Variants in FCHO1 observed in about 807,000 individuals in gnomAD.
FCHO1 encodes FCH and mu domain containing endocytic adaptor 1.
In FCHO1, 45 loss-of-function variants were observed where a neutral mutation model predicts 114.4. That is an observed-to-expected ratio of 0.39 (90% CI 0.31 to 0.50). The LOEUF (loss-of-function observed/expected upper bound fraction) is 0.50, where lower values mean the gene tolerates loss of function less well. Among genes scored for constraint, FCHO1 ranks in the 20% least tolerant of loss-of-function variants. The pLI, the probability that FCHO1 is intolerant of heterozygous loss-of-function variation, is 0.77. For synonymous variants in FCHO1, 480 were observed against 488.9 expected (o/e 0.98, Z 0.24); for missense variants, 1,042 against 1,209.6 (o/e 0.86, Z 2.06).
At chr19:17,768,270 A>G (rs2090104139) in intron 7 of FCHO1, among the ~76,000 whole-genome samples, 1 of 152,034 alleles carries the variant, frequency 6.6e-6, no homozygotes, top group South Asian at 2.1e-4. Context: ...GTGTTTCACC[A>G]TGTTGGCCAG....
At chr19:17,787,613 A>G in intron 27 of FCHO1, 69 bp from the exon 28 acceptor site, 3 of 1,482,448 alleles carry the variant, frequency 2.0e-6, no homozygotes, top group South Asian at 1.3e-5. Context: ...GTGTGGGCCA[A>G]AGATGAGCCT....
chr19:17,772,418 C>G (rs778431594), intron 9 of FCHO1, 39 bp from the exon 10 acceptor site: 1 of 1,519,214 alleles, frequency 6.6e-7, no homozygotes, highest in Non-Finnish European at 9.1e-7. Flanking sequence ...CTTCTTGGCC[C>G]TGACCTCCTT....
chr19:17,778,341 A>T, intron 19 of FCHO1, 113 bp downstream of exon 19: 1 of 750,998 alleles, frequency 1.3e-6, no homozygotes, highest in African/African-American at 1.8e-5. Flanking sequence ...AGGGAGGACT[A>T]GTCCGTGTAG....
intron 24 of FCHO1, 75 bp downstream of exon 24, chr19:17,783,247 CT>C: frequency 1.4e-6 from 2 of 1,446,516 alleles, no homozygotes; most frequent in South Asian, 2.6e-5. Flanking sequence ...AGTTCCCTCT[CT>C]GCTTCCTGGG....
chr19:17,756,094 C>G (rs1276328142), intron 4 of FCHO1, among the ~76,000 whole-genome samples: 1 of 152,196 alleles, frequency 6.6e-6, no homozygotes, highest in Non-Finnish European at 1.5e-5. Context: ...AGTGAGGAAG[C>G]CTGTTGCTAG....
At chr19:17,759,270 T>A (rs1441771933) in intron 4 of FCHO1, among the ~76,000 whole-genome samples, 2 of 137,498 alleles carry the variant, frequency 1.5e-5, no homozygotes, top group East Asian at 4.8e-4. Flanking sequence ...TCAGCCAGGC[T>A]GGAGTGCAGT....
Position 17,766,681 on chromosome 19 carries a change from G to T in FCHO1, c.207G>T (p.Pro69=), listed in dbSNP as rs780435067. Residue 69 remains proline, a synonymous_variant, in exon 7 of 29, where the codon CCG becomes CCT. Transcript: ENST00000596536. ...TGCCCGCCCCCAGGACCTTCGCCCC[G>T]CTCTGGGAGGTCTTCCGCGTCTCCT... is the stretch of plus-strand genomic sequence containing the variant. ...SNGTPMGTFA[P]LWEVFRVSSD... 8 of 1,614,114 alleles carry T rather than the reference G, an allele frequency of 5.0e-6. No homozygotes were observed. The highest frequency in any genetic ancestry group is 4.2e-6 in the Non-Finnish European group (5 of 1,180,022).
At chr19:17,762,951 C>A (rs2086948292) in intron 5 of FCHO1, 98 bp downstream of exon 5, 1 of 818,928 alleles carries the variant, frequency 1.2e-6, no homozygotes, top group Admixed American at 2.3e-5. Flanking sequence ...GGCTAGAACC[C>A]TGGGGATTCC....
rs1423805609 is a variant in FCHO1 at position 17,778,600 on chromosome 19, CT to C, written c.1352-8del. ...GGGTCGGAGCTGACCGCCCGCTTCC[CT>C]CCCCAAGGCTCTAGCAGCCTGGGCT... is the stretch of plus-strand genomic sequence containing the variant. On this transcript the variant is annotated splice_region_variant and splice_polypyrimidine_tract_variant and intron_variant, in intron 19 of 28. Coordinates refer to ENST00000596536, the MANE Select transcript of FCHO1 (RefSeq NM_015122.3). The C allele has an allele frequency of 6.5e-7, 1 of 1,535,666 alleles. No individual in the cohort carries two copies. Among genetic ancestry groups the C allele is most frequent in the Non-Finnish European group, 8.8e-7 (1 of 1,138,464 alleles).
rs1479079744 is a variant in FCHO1 at position 17,776,808 on chromosome 19, T to G, written c.1259+122T>G. On this transcript the variant is annotated intron_variant, in intron 18 of 28. Coordinates refer to ENST00000596536, the MANE Select transcript of FCHO1 (RefSeq NM_015122.3). The surrounding 1 kb of genome is among the most constrained non-coding windows in gnomAD (Gnocchi z 4.4). ...TTGACGTCATGCTGGGGTTTTTTTGTTTTTGTTTTTGTTTTGAGACAGAGT... is the reference window on the plus strand; with the variant it reads ...TTGACGTCATGCTGGGGTTTTTTTGGTTTTGTTTTTGTTTTGAGACAGAGT... The G allele has an allele frequency of 1.1e-6, 1 of 903,968 alleles. No individual in the cohort carries two copies. Among genetic ancestry groups the G allele is most frequent in the Admixed American group, 2.8e-5 (1 of 36,122 alleles). The allele number at this position is 903,968 out of a possible 1,614,324, so 56.0% of individuals were successfully genotyped here. A position where few individuals can be genotyped will look rare whatever the true frequency, so the allele number is the denominator to read the frequency against.
intron 19 of FCHO1, 63 bp from the exon 20 acceptor site, chr19:17,778,546 G>C (rs1386189044): frequency 1.4e-6 from 2 of 1,462,394 alleles, no homozygotes; most frequent in Non-Finnish European, 9.0e-7. Context: ...TGGCCTGCAG[G>C]AGGATGGGCA....
rs1276985922 is a variant in FCHO1, at chr19:17,783,180, G to A, written c.2093+8G>A. On this transcript the variant is annotated splice_region_variant and intron_variant, in intron 24 of 28. Coordinates refer to ENST00000596536, the MANE Select transcript of FCHO1 (RefSeq NM_015122.3). ...CGCCGATCTGCTGTTCAGGTACTATGGAGGGGCAGTGGGAGAGGGCCTCGG... is the reference window on the plus strand; with the variant it reads ...CGCCGATCTGCTGTTCAGGTACTATAGAGGGGCAGTGGGAGAGGGCCTCGG... The A allele has an allele frequency of 1.2e-6, 2 of 1,612,246 alleles. No individual in the cohort carries two copies. The highest frequency in any genetic ancestry group is 1.7e-6 in the Non-Finnish European group (2 of 1,178,500).
chr19:17,770,226 G>C (rs529184034), intron 7 of FCHO1, among the ~76,000 whole-genome samples, 199 bp from the exon 8 acceptor site: 1 of 152,118 alleles, frequency 6.6e-6, no homozygotes, highest in Non-Finnish European at 1.5e-5. Context: ...GCTTGAAACC[G>C]GGAGGCAGAG....
intron 27 of FCHO1, 99 bp downstream of exon 27, chr19:17,786,728 G>T (rs140878302): frequency 8.1e-7 from 1 of 1,241,392 alleles, no homozygotes; most frequent in East Asian, 2.5e-5. Flanking sequence ...TACTGAGGGC[G>T]GGCAAGTATG....
rs1368651281 is a variant in FCHO1, at chr19:17,775,156, G to A, written c.945+76G>A. 6 of 1,483,652 alleles carry A rather than the reference G, an allele frequency of 4.0e-6. No individual in the cohort carries two copies. The highest frequency in any genetic ancestry group is 2.3e-5 in the East Asian group (1 of 43,950). The allele number at this position is 1,483,652 out of a possible 1,614,324, so 91.9% of individuals were successfully genotyped here. On this transcript the variant is annotated intron_variant, in intron 14 of 28. Coordinates refer to ENST00000596536, the MANE Select transcript of FCHO1 (RefSeq NM_015122.3). The surrounding 1 kb of genome is among the most constrained non-coding windows in gnomAD (Gnocchi z 5.1). Reference sequence around the variant, plus strand: ...TCCCACTCTTGGCTCCTAGAGTCCCGATCCCTACTGGAAACTAAAGAGCCG... The same window carrying A: ...TCCCACTCTTGGCTCCTAGAGTCCCAATCCCTACTGGAAACTAAAGAGCCG...
chr19:17,775,300 C>A lies in FCHO1; in HGVS notation c.946-156C>A, dbSNP rs956380996. ...GCCGAAGCTCAGTTTGTCCCAGGAA[C>A]CTGCCCACACACCCAGGGAAGACAG... On this transcript the variant is annotated intron_variant, in intron 14 of 28. Coordinates refer to ENST00000596536, the MANE Select transcript of FCHO1 (RefSeq NM_015122.3). This position sits in a 1 kb window ranked among gnomAD's most constrained non-coding sequence, Gnocchi z 5.1. Among the ~76,000 whole-genome samples the A allele has an allele frequency of 6.6e-6, 1 of 152,138 alleles. No individual in the cohort carries two copies. Among genetic ancestry groups the A allele is most frequent in the African/African-American group, 2.4e-5 (1 of 41,418 alleles).
At chr19:17,757,707 G>T (rs1397054897) in intron 4 of FCHO1, among the ~76,000 whole-genome samples, 1 of 152,100 alleles carries the variant, frequency 6.6e-6, no homozygotes, top group Non-Finnish European at 1.5e-5. Flanking sequence ...CTGAGCCCAG[G>T]ACTTTGAGAC....
At chr19:17,768,308 G>A (rs1167918023) in intron 7 of FCHO1, among the ~76,000 whole-genome samples, 1 of 151,954 alleles carries the variant, frequency 6.6e-6, no homozygotes, top group Non-Finnish European at 1.5e-5. Flanking sequence ...GACCTCAGGT[G>A]ATCTGCCCGC....
chr19:17,774,137 G>A, intron 11 of FCHO1, 102 bp from the exon 12 acceptor site: 2 of 1,060,868 alleles, frequency 1.9e-6, no homozygotes, highest in Non-Finnish European at 2.9e-6. Flanking sequence ...TTGAACTCCT[G>A]ACCTCAGGTG....
Sources: gnomAD v4.1 joint callset for allele counts (sites outside exome capture counted in the v4.1 genomes callset) on GRCh38, gnomAD v4.1.1 for gene constraint, Gnocchi (gnomAD v3.1) non-coding constraint, MANE v1.5 for transcripts, NCBI Gene and HGNC (gene_info 2026-07-23, HGNC 2026-07-21) for gene names.